The following KDM4A variants were observed in gnomAD, a reference collection of about 807,000 sequenced individuals.
KDM4A encodes lysine-specific demethylase 4A.
KDM4A carries 23 observed loss-of-function variants against 127.1 expected under a neutral mutation model. The observed-to-expected ratio is 0.18, with a 90% CI of 0.13 to 0.26. The LOEUF is 0.26. Ranked by LOEUF, KDM4A falls within the 10% of genes least tolerant of loss-of-function variation. KDM4A has a pLI of 1.00. For missense variants in KDM4A, 890 were observed against 1,329.1 expected (o/e 0.67, Z 5.14); for synonymous variants, 443 against 466.5 (o/e 0.95, Z 0.65).
At chr1:43,661,995 G>A (rs1660393962) in intron 4 of KDM4A, among the ~76,000 whole-genome samples, 1 of 152,168 alleles carries the variant, frequency 6.6e-6, no homozygotes. Flanking sequence ...CCGGGGTCAA[G>A]GGATCCTCCT....
chr1:43,701,186 T>G (rs1292250800), intron 19 of KDM4A, among the ~76,000 whole-genome samples: 1 of 152,192 alleles, frequency 6.6e-6, no homozygotes, highest in African/African-American at 2.4e-5. Flanking sequence ...CCCAAAGTGC[T>G]GGGATTACAG....
chr1:43,689,350 C>T (rs753251575), intron 13 of KDM4A, among the ~76,000 whole-genome samples: 4 of 152,350 alleles, frequency 2.6e-5, no homozygotes, highest in Non-Finnish European at 2.9e-5. Context: ...TCATCACAGA[C>T]ATCAGTTTGC....
At position 43,650,186 on chromosome 1, in the gene KDM4A, G is replaced by A. The variant is rs985186672; in HGVS notation, c.-106G>A. ...GTTTCGGCCTTCGCCTGCTGGAAAA[G>A]CAGTAGGATCGGCCAGTGGCGACAG... On this transcript the variant is annotated 5_prime_UTR_variant, in exon 1 of 22. Coordinates refer to ENST00000372396, the MANE Select transcript of KDM4A (RefSeq NM_014663.3). 1 of 152,400 alleles carries A rather than the reference G, an allele frequency of 6.6e-6. No individual in the cohort carries two copies. Among genetic ancestry groups the A allele is most frequent in the Non-Finnish European group, 1.5e-5 (1 of 68,166 alleles). The allele number at this position is 152,400 out of a possible 1,614,324, so 9.4% of individuals were successfully genotyped here.
intron 11 of KDM4A, among the ~76,000 whole-genome samples, chr1:43,680,782 C>A (rs1402322590): frequency 6.6e-6 from 1 of 152,248 alleles, no homozygotes; most frequent in Admixed American, 6.5e-5. Context: ...TTGTAAGCCC[C>A]ATTGGGATTA....
rs1485805931 is a variant in KDM4A, at chr1:43,705,486, T to A, written c.*1116T>A. 1 of 152,692 alleles carries A rather than the reference T, an allele frequency of 6.5e-6. No homozygotes were observed. The highest frequency in any genetic ancestry group is 1.5e-5 in the Non-Finnish European group (1 of 68,070). 9.5% of individuals were successfully genotyped at this position (152,692 alleles called of 1,614,324 possible). On this transcript the variant is annotated 3_prime_UTR_variant, in exon 22 of 22. Coordinates refer to ENST00000372396, the MANE Select transcript of KDM4A (RefSeq NM_014663.3). The stretch of plus-strand genomic sequence containing the variant: ...TATTTTGAAAACTGGTGCATCACCT[T>A]GTCCTTAGCAATAAAATGTGTTGAG...
intron 11 of KDM4A, 87 bp downstream of exon 11, chr1:43,671,962 G>GATCTGTGTGATGGAGGTGC: frequency 7.0e-7 from 1 of 1,427,900 alleles, no homozygotes; most frequent in Non-Finnish European, 9.3e-7. Flanking sequence ...GAGGGAGGTG[G>GATCTGTGTGATGGAGGTGC]ATCTGTGTGA....
At chr1:43,658,133 C>T (rs1660290898) in intron 3 of KDM4A, among the ~76,000 whole-genome samples, 1 of 148,830 alleles carries the variant, frequency 6.7e-6, no homozygotes, top group African/African-American at 2.5e-5. Context: ...TGCAGTGGCA[C>T]AATCTCACTC....
At chr1:43,652,682 T>TATTTC (rs201754786) in intron 1 of KDM4A, among the ~76,000 whole-genome samples, 1 of 139,706 alleles carries the variant, frequency 7.2e-6, no homozygotes, top group South Asian at 2.2e-4. Context: ...TTTCTTTCTT[T>TATTTC]TTTTTTTTTT....
chr1:43,681,322 C>T (rs1419008730), intron 11 of KDM4A, among the ~76,000 whole-genome samples: 1 of 152,130 alleles, frequency 6.6e-6, no homozygotes, highest in Non-Finnish European at 1.5e-5. Flanking sequence ...TCTCTTCTTC[C>T]TCCTGTCCCT....
At chr1:43,677,206 G>A (rs756400509) in intron 11 of KDM4A, among the ~76,000 whole-genome samples, 1 of 152,068 alleles carries the variant, frequency 6.6e-6, no homozygotes, top group Non-Finnish European at 1.5e-5. Flanking sequence ...TTAGCCAGGC[G>A]TGTTGGCGGG....
At chr1:43,689,210 C>A in intron 13 of KDM4A, 115 bp downstream of exon 13, 1 of 1,009,516 alleles carries the variant, frequency 9.9e-7, no homozygotes, top group Non-Finnish European at 1.5e-6. Context: ...ACCTCCACCC[C>A]CAGCATTCTC....
chr1:43,669,047 G>C lies in KDM4A; in HGVS notation c.1164-53G>C, dbSNP rs954849384. The stretch of plus-strand genomic sequence containing the variant: ...TGTGTGGATGTGTATGAATGTGTTT[G>C]AGTAAGTGGATGTATATGTGGGCTC... On this transcript the variant is annotated intron_variant, in intron 9 of 21. Coordinates refer to ENST00000372396, the MANE Select transcript of KDM4A (RefSeq NM_014663.3). 20 of 1,583,828 alleles carry C rather than the reference G, an allele frequency of 1.3e-5. No individual in the cohort carries two copies. In the African/African-American group the frequency reaches 1.7e-4, roughly 14 times the overall value.
rs1371457006 is a variant in KDM4A at position 43,694,772 on chromosome 1, G to A, written c.2548G>A (p.Gly850Ser). 2 of 1,614,042 alleles carry A rather than the reference G, an allele frequency of 1.2e-6. No homozygotes were observed. Among genetic ancestry groups the A allele is most frequent in the Admixed American group, 1.7e-5 (1 of 60,012 alleles). ...TGGCTGCTGTGTGCAGTGTTCTCAC[G>A]GCCGCTGCCCAACTGCCTTCCATGT... is the stretch of plus-strand genomic sequence containing the variant. ...TAGCCVQCSH[G>S]RCPTAFHVSC... Residue 850 changes from glycine (G) to serine (S), a missense_variant, in exon 18 of 22, where the codon GGC becomes AGC. By Grantham distance (56) the Gly-to-Ser change is moderately conservative. This residue lies in a region of KDM4A where 246 missense variants were observed against 418.4 expected (regional missense o/e 0.59). Transcript: ENST00000372396. The surrounding 1 kb of genome is among the most constrained non-coding windows in gnomAD (Gnocchi z 5.2).
chr1:43,684,793 T>C (rs1422850114), intron 12 of KDM4A, among the ~76,000 whole-genome samples: 1 of 152,230 alleles, frequency 6.6e-6, no homozygotes. Context: ...TCGCTCCTAG[T>C]GCTGGCATCT....
intron 1 of KDM4A, among the ~76,000 whole-genome samples, chr1:43,652,663 C>T (rs1660140690): frequency 1.4e-5 from 2 of 141,404 alleles, no homozygotes; most frequent in Admixed American, 7.0e-5. Flanking sequence ...AATTACTTTT[C>T]TTTCTTTCTT....
At chr1:43,687,805 T>A (rs1052775606) in intron 12 of KDM4A, among the ~76,000 whole-genome samples, 1 of 152,212 alleles carries the variant, frequency 6.6e-6, no homozygotes, top group East Asian at 1.9e-4. Flanking sequence ...CAAACTTTTT[T>A]TGTTTTCCAC....
intron 10 of KDM4A, among the ~76,000 whole-genome samples, chr1:43,671,295 T>C (rs1660612663): frequency 6.6e-6 from 1 of 152,162 alleles, no homozygotes; most frequent in African/African-American, 2.4e-5. Context: ...TGTAGATCTG[T>C]AGTAGCATCT....
chr1:43,696,929 C>A (rs1291612902), intron 18 of KDM4A, among the ~76,000 whole-genome samples: 1 of 152,186 alleles, frequency 6.6e-6, no homozygotes, highest in Non-Finnish European at 1.5e-5. Flanking sequence ...AGTCCTTGCC[C>A]TTCTGGTGCA....
intron 11 of KDM4A, among the ~76,000 whole-genome samples, chr1:43,681,209 C>CTA (rs765090476): frequency 7.2e-5 from 11 of 152,184 alleles, no homozygotes; most frequent in Non-Finnish European, 1.5e-4. Flanking sequence ...CTCAGCTCTT[C>CTA]TATGTTCTTT....
Sources: allele counts gnomAD v4.1 joint callset (sites outside exome capture counted in the v4.1 genomes callset), GRCh38; gene constraint gnomAD v4.1.1; regional missense constraint gnomAD v4.1.1; non-coding constraint Gnocchi (gnomAD v3.1); transcripts MANE v1.5; gene names NCBI Gene and HGNC (gene_info 2026-07-23, HGNC 2026-07-21).